Variants in LAMA2 observed in about 807,000 individuals in gnomAD.
The protein encoded by LAMA2 is laminin subunit alpha-2.
LAMA2 carries 269 observed loss-of-function variants against 364.8 expected under a neutral mutation model. The observed-to-expected ratio is 0.74, with a 90% CI of 0.67 to 0.82. The LOEUF is 0.82. Ranked by LOEUF, LAMA2 falls within the 40% of genes least tolerant of loss-of-function variation. The probability of loss-of-function intolerance (pLI) is 0.00; values close to 1 mark genes in which losing one functional copy is unlikely to be tolerated. For missense variants in LAMA2, 3,807 were observed against 3,873.2 expected (o/e 0.98, Z 0.45); for synonymous variants, 1,379 against 1,370.6 (o/e 1.01, Z -0.14).
chr6:129,210,245 A>C (rs929178319), intron 12 of LAMA2, among the ~76,000 whole-genome samples: 1 of 152,158 alleles, frequency 6.6e-6, no homozygotes, highest in Non-Finnish European at 1.5e-5. Flanking sequence ...AAAAACCTGC[A>C]GTATGCTTTT....
chr6:129,191,470 C>T (rs887705355), intron 11 of LAMA2, among the ~76,000 whole-genome samples: 1 of 152,194 alleles, frequency 6.6e-6, no homozygotes, highest in African/African-American at 2.4e-5. Flanking sequence ...ACCCCACCCT[C>T]CAGACTGCCC....
At chr6:128,966,918 A>ATGTG in intron 1 of LAMA2, among the ~76,000 whole-genome samples, 1 of 152,210 alleles carries the variant, frequency 6.6e-6, no homozygotes, top group Non-Finnish European at 1.5e-5. Context: ...TTCATTGTAG[A>ATGTG]TGTATTGCAT....
chr6:129,456,868 A>T (rs1340703943), intron 48 of LAMA2, among the ~76,000 whole-genome samples: 1 of 152,186 alleles, frequency 6.6e-6, no homozygotes, highest in Non-Finnish European at 1.5e-5. Context: ...ACATCTAATT[A>T]AAAGATTTAT....
chr6:129,290,110 A>G (rs1019004415), intron 19 of LAMA2, among the ~76,000 whole-genome samples: 1 of 152,134 alleles, frequency 6.6e-6, no homozygotes, highest in Non-Finnish European at 1.5e-5. Context: ...GCAAAACTTT[A>G]TACTGCTTTG....
At chr6:129,414,153 A>G (rs987511708) in intron 40 of LAMA2, among the ~76,000 whole-genome samples, 2 of 152,142 alleles carry the variant, frequency 1.3e-5, no homozygotes, top group Non-Finnish European at 2.9e-5. Flanking sequence ...GTAAGTTTAG[A>G]GCAAAATTTA....
chr6:129,165,566 T>C lies in LAMA2; in HGVS notation c.1207-10T>C, dbSNP rs779863501. 7 of 1,579,062 alleles carry C rather than the reference T, an allele frequency of 4.4e-6. No homozygotes were observed. Among genetic ancestry groups the C allele is most frequent in the Non-Finnish European group, 8.7e-7 (1 of 1,149,828 alleles). On this transcript the variant is annotated splice_polypyrimidine_tract_variant and intron_variant, in intron 8 of 64. Transcript: ENST00000421865. ...ACACTTCGTTAAATTCATTTTAATA[T>C]TTTTGTTAGGTATCTCCAAATTATC... is the stretch of plus-strand genomic sequence containing the variant.
At chr6:129,345,555 T>G (rs2078914492) in intron 30 of LAMA2, among the ~76,000 whole-genome samples, 1 of 152,194 alleles carries the variant, frequency 6.6e-6, no homozygotes, top group Admixed American at 6.5e-5. Flanking sequence ...TAAATTTTTA[T>G]GCAAAAGACC....
chr6:128,949,920 T>G (rs1051312729), intron 1 of LAMA2, among the ~76,000 whole-genome samples: 1 of 152,232 alleles, frequency 6.6e-6, no homozygotes, highest in Non-Finnish European at 1.5e-5. Flanking sequence ...TGAAACTTTT[T>G]TGATATACTT....
intron 1 of LAMA2, among the ~76,000 whole-genome samples, chr6:128,930,399 A>G (rs889593566): frequency 2.6e-5 from 4 of 152,208 alleles, no homozygotes; most frequent in Non-Finnish European, 5.9e-5. Flanking sequence ...TTAGGCATAG[A>G]CACCGTCAAT....
At chr6:129,388,047 C>T (rs567858546) in intron 35 of LAMA2, among the ~76,000 whole-genome samples, 2 of 152,292 alleles carry the variant, frequency 1.3e-5, no homozygotes, top group South Asian at 2.1e-4. Flanking sequence ...CACCTGAGGT[C>T]AGGCGTTCAA....
At chr6:129,416,875 C>A (rs1780822382) in intron 40 of LAMA2, among the ~76,000 whole-genome samples, 1 of 152,184 alleles carries the variant, frequency 6.6e-6, no homozygotes. Context: ...CTGCAGTGGG[C>A]TGGGCAGCTC....
intron 1 of LAMA2, among the ~76,000 whole-genome samples, chr6:128,901,739 GA>G (rs1197260566): frequency 6.6e-6 from 1 of 152,186 alleles, no homozygotes; most frequent in Non-Finnish European, 1.5e-5. Flanking sequence ...TCACTAAACA[GA>G]AATTTTAAAA....
intron 5 of LAMA2, among the ~76,000 whole-genome samples, chr6:129,144,542 C>A (rs971403643): frequency 6.6e-6 from 1 of 151,842 alleles, no homozygotes; most frequent in Non-Finnish European, 1.5e-5. Context: ...ATGTCTTAAA[C>A]CTTAATGTGT....
intron 22 of LAMA2, among the ~76,000 whole-genome samples, chr6:129,304,586 G>A (rs796484429): frequency 1.3e-5 from 2 of 152,164 alleles, no homozygotes; most frequent in South Asian, 4.1e-4. Flanking sequence ...GTTTCTTAAG[G>A]TGAAACCTTA....
At chr6:129,410,974 G>A (rs1375090866) in intron 40 of LAMA2, among the ~76,000 whole-genome samples, 3 of 152,096 alleles carry the variant, frequency 2.0e-5, no homozygotes, top group Admixed American at 1.3e-4. Flanking sequence ...CAATCTGTAA[G>A]GCAGAAAAGA....
intron 1 of LAMA2, among the ~76,000 whole-genome samples, chr6:129,005,896 A>G (rs1315187677): frequency 6.6e-6 from 1 of 151,550 alleles, no homozygotes; most frequent in East Asian, 1.9e-4. Context: ...CTATCTACCT[A>G]TAAACTTCAG....
At position 129,046,496 on chromosome 6, in the gene LAMA2, G is replaced by A. The variant is rs114123609; in HGVS notation, c.113-3422G>A. Among the ~76,000 whole-genome samples, 1,420 of 152,216 alleles carry A rather than the reference G, an allele frequency of 9.3e-3. 28 individuals carry two copies. The highest frequency in any genetic ancestry group is 0.033 in the African/African-American group (1,361 of 41,526). ...TTATGAGACTTATTTACTATCACGA[G>A]AACAGCATGAGAAAAACCTGCCCTC... is the stretch of plus-strand genomic sequence containing the variant. On this transcript the variant is annotated intron_variant, in intron 1 of 64. Transcript: ENST00000421865.
intron 40 of LAMA2, 37 bp from the exon 41 acceptor site, chr6:129,427,715 G>A (rs1274491350): frequency 1.4e-5 from 21 of 1,459,186 alleles, no homozygotes; most frequent in Non-Finnish European, 2.0e-5. Context: ...ATTATTCTAT[G>A]GTTTTAGATG....
At chr6:129,038,107 T>C (rs1273601980) in intron 1 of LAMA2, among the ~76,000 whole-genome samples, 1 of 152,174 alleles carries the variant, frequency 6.6e-6, no homozygotes, top group Non-Finnish European at 1.5e-5. Flanking sequence ...CATTAAAAAA[T>C]AACTAGATGG....
Sources: allele counts gnomAD v4.1 joint callset (sites outside exome capture counted in the v4.1 genomes callset), GRCh38; gene constraint gnomAD v4.1.1; transcripts MANE v1.5; gene names NCBI Gene and HGNC (gene_info 2026-07-23, HGNC 2026-07-21).